Variants in TACR3 observed in about 807,000 individuals in gnomAD.
TACR3 encodes neuromedin-K receptor.
In TACR3, 34 loss-of-function variants were observed where a neutral mutation model predicts 35.0. That is an observed-to-expected ratio of 0.97 (90% confidence interval 0.74 to 1.30). The LOEUF (loss-of-function observed/expected upper bound fraction) is 1.30. Ranked by LOEUF, TACR3 falls within the 50% of genes most tolerant of loss-of-function variation. The pLI is 0.00. For synonymous variants in TACR3, 233 were observed against 221.1 expected, an observed-to-expected ratio of 1.05 and a Z score of -0.48; for missense variants, 558 against 591.7, an observed-to-expected ratio of 0.94 and a Z score of 0.59.
chr4:103,702,712 T>A (rs1035884100), intron 1 of TACR3, among the ~76,000 whole-genome samples: 1 of 152,022 alleles, frequency 6.6e-6, no homozygotes, highest in Admixed American at 6.6e-5. Flanking sequence ...CATGGAATAC[T>A]ATGCAGCCAT....
intron 1 of TACR3, among the ~76,000 whole-genome samples, chr4:103,714,716 G>T (rs1188985559): frequency 6.6e-6 from 1 of 152,040 alleles, no homozygotes; most frequent in Admixed American, 6.6e-5. Flanking sequence ...AAAGGATATT[G>T]CACTTGGTAC....
chr4:103,684,517 T>C (rs1339411506), intron 1 of TACR3, among the ~76,000 whole-genome samples: 1 of 152,108 alleles, frequency 6.6e-6, no homozygotes, highest in Non-Finnish European at 1.5e-5. Flanking sequence ...ATCTACATGA[T>C]GAAAACTGCA....
chr4:103,652,173 C>T (rs922042724), intron 3 of TACR3, among the ~76,000 whole-genome samples: 5 of 152,054 alleles, frequency 3.3e-5, no homozygotes, highest in African/African-American at 7.2e-5. Flanking sequence ...ATAGGAGTTG[C>T]GGTCTTTGTG....
At chr4:103,623,060 T>G (rs1724818678) in intron 3 of TACR3, among the ~76,000 whole-genome samples, 1 of 152,242 alleles carries the variant, frequency 6.6e-6, no homozygotes, top group South Asian at 2.1e-4. Context: ...TTTAAAATAA[T>G]GTACAAATTT....
intron 1 of TACR3, among the ~76,000 whole-genome samples, chr4:103,709,569 C>A (rs191200925): frequency 2.0e-3 from 308 of 152,266 alleles, no homozygotes; most frequent in Non-Finnish European, 2.6e-3. Flanking sequence ...ATTGTAAAGA[C>A]CATCAATGCC....
intron 3 of TACR3, among the ~76,000 whole-genome samples, chr4:103,599,782 G>T (rs1263962582): frequency 2.0e-5 from 3 of 152,192 alleles, no homozygotes; most frequent in Non-Finnish European, 4.4e-5. Flanking sequence ...TGTCGAACCA[G>T]CCTTGCATCC....
intron 3 of TACR3, among the ~76,000 whole-genome samples, chr4:103,616,192 A>G (rs1190652876): frequency 1.3e-5 from 2 of 152,184 alleles, no homozygotes; most frequent in Non-Finnish European, 2.9e-5. Flanking sequence ...ACTACACAGC[A>G]CAGAACAGAC....
intron 2 of TACR3, 97 bp from the exon 3 acceptor site, chr4:103,656,441 A>T: frequency 1.1e-5 from 13 of 1,181,748 alleles, no homozygotes; most frequent in Non-Finnish European, 1.4e-5. Flanking sequence ...AAAACTACCA[A>T]GAGTTATTTC....
At chr4:103,613,794 T>C (rs1724566952) in intron 3 of TACR3, among the ~76,000 whole-genome samples, 1 of 152,212 alleles carries the variant, frequency 6.6e-6, no homozygotes, top group Non-Finnish European at 1.5e-5. Context: ...TGGTGAAGGC[T>C]TCCTTCCTGG....
Position 103,711,071 on chromosome 4 carries a change from G to A in TACR3, c.548+8057C>T, listed in dbSNP as rs190117029. ...CAAATTCTACCAGAGGTACAAGGAG[G>A]AGCTGGTACCATTCCTTATGAAACT... On this transcript the variant is annotated intron_variant, in intron 1 of 4. Coordinates refer to ENST00000304883, the MANE Select transcript of TACR3 (RefSeq NM_001059.3). Among the ~76,000 whole-genome samples the A allele has an allele frequency of 1.8e-4, 27 of 152,272 alleles. 1 individual carries two copies. In the East Asian group the frequency reaches 5.0e-3, roughly 28 times the overall value.
intron 1 of TACR3, among the ~76,000 whole-genome samples, chr4:103,663,627 A>G (rs969046252): frequency 6.6e-6 from 1 of 152,210 alleles, no homozygotes; most frequent in African/African-American, 2.4e-5. Context: ...TAAGTGAATG[A>G]TTTGAGGAAA....
At chr4:103,617,519 C>T (rs1327404714) in intron 3 of TACR3, among the ~76,000 whole-genome samples, 2 of 152,182 alleles carry the variant, frequency 1.3e-5, no homozygotes, top group Non-Finnish European at 2.9e-5. Flanking sequence ...TTTTGGGGGA[C>T]TTCTAAGCAA....
At chr4:103,704,117 A>T in intron 1 of TACR3, among the ~76,000 whole-genome samples, 1 of 147,700 alleles carries the variant, frequency 6.8e-6, no homozygotes, top group Non-Finnish European at 1.5e-5. Flanking sequence ...AAAAAAAAAA[A>T]AAAAAAAAAA....
At chr4:103,594,003 C>A (rs1480263374) in intron 3 of TACR3, among the ~76,000 whole-genome samples, 1 of 151,972 alleles carries the variant, frequency 6.6e-6, no homozygotes, top group Non-Finnish European at 1.5e-5. Flanking sequence ...GACTATAAAA[C>A]AAAAGAAACT....
chr4:103,688,556 AAAAC>A (rs1354967188), intron 1 of TACR3, among the ~76,000 whole-genome samples: 24 of 150,552 alleles, frequency 1.6e-4, no homozygotes, highest in Admixed American at 8.0e-4. Flanking sequence ...TTACAAGAAA[AAAAC>A]AAACAACCCC....
At chr4:103,625,449 A>G (rs1486520143) in intron 3 of TACR3, among the ~76,000 whole-genome samples, 1 of 152,182 alleles carries the variant, frequency 6.6e-6, no homozygotes, top group Non-Finnish European at 1.5e-5. Context: ...AATGCAAGGG[A>G]AAGTGGAAAA....
chr4:103,658,047 G>A (rs1365335900), intron 2 of TACR3, among the ~76,000 whole-genome samples, 168 bp downstream of exon 2: 2 of 151,960 alleles, frequency 1.3e-5, no homozygotes, highest in Non-Finnish European at 2.9e-5. Context: ...ACAACTTATT[G>A]ACCACACACA....
At chr4:103,635,673 TAAATA>T (rs1725171858) in intron 3 of TACR3, among the ~76,000 whole-genome samples, 1 of 152,034 alleles carries the variant, frequency 6.6e-6, no homozygotes, top group Admixed American at 6.6e-5. Flanking sequence ...TTGTAAGATT[TAAATA>T]AAATCACTTG....
chr4:103,594,181 C>CTTT (rs35016258), intron 3 of TACR3, among the ~76,000 whole-genome samples: 1 of 147,284 alleles, frequency 6.8e-6, no homozygotes. Flanking sequence ...CAAAAATAAC[C>CTTT]TTTTTTTTTT....
Sources: gnomAD v4.1 joint callset for allele counts (sites outside exome capture counted in the v4.1 genomes callset) on GRCh38, gnomAD v4.1.1 for gene constraint, MANE v1.5 for transcripts, NCBI Gene and HGNC (gene_info 2026-07-23, HGNC 2026-07-21) for gene names.